SCNN1A: variants seen among roughly 807,000 people sequenced by gnomAD.
SCNN1A encodes epithelial sodium channel subunit alpha.
A neutral mutation model predicts 68.6 loss-of-function variants in SCNN1A; 65 were observed. The observed-to-expected ratio is 0.95, with a 90% confidence interval of 0.78 to 1.16. The LOEUF is 1.16. Ranked by LOEUF, SCNN1A falls within the 50% of genes most tolerant of loss-of-function variation. The probability of loss-of-function intolerance (pLI) is 0.00; values close to 1 mark genes in which losing one functional copy is unlikely to be tolerated. For missense variants in SCNN1A, 880 were observed against 865.9 expected (o/e 1.02, Z -0.20); for synonymous variants, 357 against 353.3 (o/e 1.01, Z -0.12).
At position 6,374,273 on chromosome 12, in the gene SCNN1A, A is replaced by G. The variant is rs777878610; in HGVS notation, c.416+95T>C. 21 of 1,349,894 alleles carry G rather than the reference A, an allele frequency of 1.6e-5. No homozygotes were observed. Among genetic ancestry groups the G allele is most frequent in the Admixed American group, 4.0e-5 (2 of 49,700 alleles). The allele number at this position is 1,349,894 out of a possible 1,614,324, so 83.6% of individuals were successfully genotyped here. ...GACAGGGGTGTCAGTTCCCACCCTC[A>G]GGTCTGAGGCTCTGCCTGCCCAGTG... On this transcript the variant is annotated intron_variant, in intron 2 of 12. Coordinates refer to ENST00000228916, the MANE Select transcript of SCNN1A (RefSeq NM_001038.6). The surrounding 1 kb of genome is among the most constrained non-coding windows in gnomAD (Gnocchi z 6.2).
At chr12:6,370,161 G>A (rs868770411) in intron 2 of SCNN1A, among the ~76,000 whole-genome samples, 3 of 152,172 alleles carry the variant, frequency 2.0e-5, no homozygotes, top group Non-Finnish European at 2.9e-5. Context: ...CAATTCCATC[G>A]GGCAGGCATT....
intron 8 of SCNN1A, chr12:6,349,869 G>T: frequency 5.9e-6 from 1 of 170,006 alleles, no homozygotes; most frequent in Non-Finnish European, 1.3e-5. Flanking sequence ...TGGGACTACA[G>T]GCGCCCGCCA....
At chr12:6,376,268 G>T (rs2136918108), upstream of SCNN1A, 3 of 849,634 alleles carry the variant, frequency 3.5e-6, no homozygotes, top group Non-Finnish European at 4.2e-6. Flanking sequence ...CTCCAACCTT[G>T]TCCAGACCCG....
At chr12:6,348,673 C>A in intron 12 of SCNN1A, 54 bp downstream of exon 12, 2 of 1,485,694 alleles carry the variant, frequency 1.3e-6, no homozygotes, top group Non-Finnish European at 1.9e-6. Context: ...CCGACAGCCG[C>A]CCTGCTAAGT....
intron 4 of SCNN1A, among the ~76,000 whole-genome samples, chr12:6,358,333 G>C (rs1948530847): frequency 6.6e-6 from 1 of 152,174 alleles, no homozygotes; most frequent in South Asian, 2.1e-4. Context: ...TTGCTGTTGG[G>C]AATGTTAAAT....
At position 6,347,662 on chromosome 12, in the gene SCNN1A, G is replaced by C. The variant is rs1254736830; in HGVS notation, c.*211C>G. On this transcript the variant is annotated 3_prime_UTR_variant, in exon 13 of 13. Coordinates refer to ENST00000228916, the MANE Select transcript of SCNN1A (RefSeq NM_001038.6). ...TCAGAGGCAGTACCAAGGGGTACAG[G>C]GCTGGAGCCAAGGCACTTCTGGGCA... The C allele has an allele frequency of 1.6e-6, 1 of 619,286 alleles. No homozygotes were observed. Among genetic ancestry groups the C allele is most frequent in the East Asian group, 2.7e-5 (1 of 36,436 alleles). 38.4% of individuals were successfully genotyped at this position (619,286 alleles called of 1,614,324 possible).
rs1294027336 is a variant in SCNN1A at position 6,363,507 on chromosome 12, G to A, written c.620C>T (p.Ala207Val). Residue 207 changes from alanine (A) to valine (V), a missense_variant, in exon 3 of 13, where the codon GCC becomes GTC. Physicochemically the swap from Ala to Val is moderately conservative, Grantham distance 64. Transcript: ENST00000228916. ...PHGARRARSV[A>V]SSLRDNNPQV... ...GGGGTTGTTGTCCCGCAAGCTGGAG[G>A]CCACGCTACGGGCTCGACGGGCCCC... is the stretch of plus-strand genomic sequence containing the variant. The A allele has an allele frequency of 3.1e-6, 5 of 1,608,976 alleles. No homozygotes were observed. Among genetic ancestry groups the A allele is most frequent in the Admixed American group, 1.7e-5 (1 of 59,632 alleles).
At chr12:6,369,410 C>T (rs1948745575) in intron 2 of SCNN1A, among the ~76,000 whole-genome samples, 1 of 152,134 alleles carries the variant, frequency 6.6e-6, no homozygotes. Context: ...CCACTGAGCA[C>T]AGCCTGGGCT....
At chr12:6,369,700 G>C (rs1272420524) in intron 2 of SCNN1A, among the ~76,000 whole-genome samples, 17 of 152,142 alleles carry the variant, frequency 1.1e-4, no homozygotes, top group Non-Finnish European at 4.4e-5. Flanking sequence ...CGGGCATGGT[G>C]GTGGGCGCCT....
intron 6 of SCNN1A, 55 bp downstream of exon 6, chr12:6,355,217 C>T: frequency 6.3e-7 from 1 of 1,576,688 alleles, no homozygotes; most frequent in Non-Finnish European, 8.6e-7. Flanking sequence ...TGCCTCCCCG[C>T]TGCCCCTCTG....
intron 12 of SCNN1A, 151 bp downstream of exon 12, chr12:6,348,576 C>G: frequency 2.5e-6 from 2 of 809,180 alleles, no homozygotes; most frequent in Non-Finnish European, 4.2e-6. Flanking sequence ...TCCAACCCTC[C>G]CAACCTCTCC....
intron 3 of SCNN1A, 118 bp downstream of exon 3, chr12:6,363,325 G>A: frequency 4.0e-6 from 3 of 753,690 alleles, no homozygotes; most frequent in South Asian, 2.8e-5. Flanking sequence ...AGCCCACGAG[G>A]CCCCGCGTGG....
chr12:6,365,901 C>G (rs999254108), intron 2 of SCNN1A, among the ~76,000 whole-genome samples: 1 of 152,056 alleles, frequency 6.6e-6, no homozygotes, highest in African/African-American at 2.4e-5. Context: ...CTCAATTGCC[C>G]AGGCTGGAGT....
intron 4 of SCNN1A, 83 bp downstream of exon 4, chr12:6,361,968 T>C: frequency 6.9e-7 from 1 of 1,451,938 alleles, no homozygotes. Flanking sequence ...AAGCATTTCC[T>C]GGGCCCTGCC....
intron 2 of SCNN1A, among the ~76,000 whole-genome samples, chr12:6,366,907 T>C (rs1948689359): frequency 6.6e-6 from 1 of 152,168 alleles, no homozygotes; most frequent in South Asian, 2.1e-4. Context: ...GGTGTGTGTT[T>C]GGCATTCTAG....
Position 6,362,047 on chromosome 12 carries a change from TCACGCC to T in SCNN1A, c.873_875+3del. 1 of 1,614,144 alleles carries T rather than the reference TCACGCC, an allele frequency of 6.2e-7. No individual in the cohort carries two copies. The highest frequency in any genetic ancestry group is 1.7e-5 in the Admixed American group (1 of 60,030). On this transcript the variant is annotated splice_donor_variant and splice_donor_region_variant and coding_sequence_variant and intron_variant, in exon 4 of 13. Coordinates refer to ENST00000228916, the MANE Select transcript of SCNN1A (RefSeq NM_001038.6). LOFTEE classifies it high-confidence loss of function. ...GAGCAAGGAGCCAGGCAGGACTGAC[TCACGCC>T]TGGTTGCAGGAGACCTGGTTGAAGC... is the stretch of plus-strand genomic sequence containing the variant.
At position 6,354,740 on chromosome 12, in the gene SCNN1A, T is replaced by C. The variant is rs540423585; in HGVS notation, c.1242+10A>G. The C allele has an allele frequency of 3.7e-6, 6 of 1,610,364 alleles. No homozygotes were observed. The South Asian group carries it at 6.6e-5, about 18-fold the overall frequency. On this transcript the variant is annotated intron_variant, in intron 7 of 12. Transcript: ENST00000228916. ...GGGAGTGGCTGCCACGGAATCAGGT[T>C]GGGCCTCACCTGCTGTGTGTACTTT...
rs1308572245 is a variant in SCNN1A, at chr12:6,351,585, C to A, written c.1361-2180G>T. Among the ~76,000 whole-genome samples, 1 of 151,438 alleles carries A rather than the reference C, an allele frequency of 6.6e-6. No homozygotes were observed. Among genetic ancestry groups the A allele is most frequent in the Non-Finnish European group, 1.5e-5 (1 of 67,894 alleles). ...GAGGTAGCAGTGAGCCAAGATCGCG[C>A]CACTGCACTCCAGTCTGGGCGACAG... On this transcript the variant is annotated intron_variant, in intron 8 of 12. Transcript: ENST00000228916. This position sits in a 1 kb window ranked among gnomAD's most constrained non-coding sequence, Gnocchi z 4.2.
rs1457746137 is a variant in SCNN1A, at chr12:6,347,514, TTG to T, written c.*357_*358del. The stretch of plus-strand genomic sequence containing the variant: ...CGTGCATGCCTGCGTGTACCCTTGG[TTG>T]TGTTTTGTCCTGGTTATCAGCGGTT... On this transcript the variant is annotated 3_prime_UTR_variant, in exon 13 of 13. Transcript: ENST00000228916. The T allele has an allele frequency of 3.3e-6, 1 of 306,650 alleles. No individual in the cohort carries two copies. The highest frequency in any genetic ancestry group is 2.1e-5 in the African/African-American group (1 of 46,906). The allele number at this position is 306,650 out of a possible 1,614,324, so 19.0% of individuals were successfully genotyped here. A position where few individuals can be genotyped will look rare whatever the true frequency, so the allele number is the denominator to read the frequency against.
Sources: allele counts gnomAD v4.1 joint callset (sites outside exome capture counted in the v4.1 genomes callset), GRCh38; gene constraint gnomAD v4.1.1; non-coding constraint Gnocchi (gnomAD v3.1); transcripts MANE v1.5; gene names NCBI Gene and HGNC (gene_info 2026-07-23, HGNC 2026-07-21).